The following OTUD7A variants were observed in gnomAD, a reference collection of about 807,000 sequenced individuals.
OTUD7A encodes the protein OTU domain-containing protein 7A.
OTUD7A carries 12 observed loss-of-function variants against 65.7 expected under a neutral mutation model. That is an observed-to-expected ratio of 0.18 (90% CI 0.12 to 0.30). OTUD7A has a LOEUF of 0.30. Among genes scored for constraint, OTUD7A ranks in the 10% least tolerant of loss-of-function variants. The probability of loss-of-function intolerance (pLI) is 1.00; values close to 1 mark genes in which losing one functional copy is unlikely to be tolerated. For missense variants in OTUD7A, 1,148 were observed against 1,304.8 expected (o/e 0.88, Z 1.85); for synonymous variants, 641 against 586.3 (o/e 1.09, Z -1.35).
At position 31,627,656 on chromosome 15, in the gene OTUD7A, G is replaced by C. The variant is rs370686543; in HGVS notation, c.151+27440C>G. ...ATATTTCTAGTTCTAGATCCCTGAG[G>C]AATCGCCACACTGACTTCCACAATG... On this transcript the variant is annotated intron_variant, in intron 3 of 12. Coordinates refer to ENST00000307050, the MANE Select transcript of OTUD7A (RefSeq NM_001382637.1). Among the ~76,000 whole-genome samples, 6 of 152,260 alleles carry C rather than the reference G, an allele frequency of 3.9e-5. No individual in the cohort carries two copies. The East Asian group carries it at 5.8e-4, about 15-fold the overall frequency.
chr15:31,599,354 C>T (rs1881390260), intron 3 of OTUD7A, among the ~76,000 whole-genome samples: 1 of 152,188 alleles, frequency 6.6e-6, no homozygotes, highest in African/African-American at 2.4e-5. Flanking sequence ...GCTGGTAATA[C>T]CCAGGCAAAC....
At position 31,484,829 on chromosome 15, in the gene OTUD7A, G is replaced by C; in HGVS notation, c.1372-105C>G. 1 of 1,482,512 alleles carries C rather than the reference G, an allele frequency of 6.7e-7. No homozygotes were observed. The highest frequency in any genetic ancestry group is 8.9e-7 in the Non-Finnish European group (1 of 1,119,448). The allele number at this position is 1,482,512 out of a possible 1,614,324, so 91.8% of individuals were successfully genotyped here. On this transcript the variant is annotated intron_variant, in intron 12 of 12. Coordinates refer to ENST00000307050, the MANE Select transcript of OTUD7A (RefSeq NM_001382637.1). The surrounding 1 kb of genome is among the most constrained non-coding windows in gnomAD (Gnocchi z 4.5). The stretch of plus-strand genomic sequence containing the variant: ...CCTGTGTTGCCGAGGCTAGGGCCCT[G>C]GACCTTCACTGTCCCAGTCCCCACT...
rs780288435 is a variant in OTUD7A at position 31,484,285 on chromosome 15, C to A, written c.1811G>T (p.Gly604Val). The change falls in exon 13 of 13, where the codon GGC becomes GTC. Residue 604 changes from glycine to valine, a missense_variant. By Grantham distance (109) the Gly-to-Val change is moderately radical (BLOSUM62 -3). This residue lies in a region of OTUD7A where 842 missense variants were observed against 769.5 expected (regional missense o/e 1.09). Coordinates refer to ENST00000307050, the MANE Select transcript of OTUD7A (RefSeq NM_001382637.1). This position sits in a 1 kb window ranked among gnomAD's most constrained non-coding sequence, Gnocchi z 4.5. ...ACCGCCCTTCTCCGCCGGCGACGCG[C>A]CCGCTGCCTTGTCTGTGGGCGACGG... is the stretch of plus-strand genomic sequence containing the variant. ...TTPSPTDKAA[G>V]ASPAEKGGGP... The A allele has an allele frequency of 1.3e-6, 2 of 1,593,796 alleles. No homozygotes were observed. The highest frequency in any genetic ancestry group is 1.7e-6 in the Non-Finnish European group (2 of 1,174,440).
chr15:31,512,659 C>T (rs931250198), intron 8 of OTUD7A, among the ~76,000 whole-genome samples: 1 of 151,880 alleles, frequency 6.6e-6, no homozygotes, highest in Non-Finnish European at 1.5e-5. Context: ...TTAAAAGAGG[C>T]AAATGCAGAG....
chr15:31,625,494 C>T (rs531261448), intron 3 of OTUD7A, among the ~76,000 whole-genome samples: 1 of 150,630 alleles, frequency 6.6e-6, no homozygotes, highest in Admixed American at 6.6e-5. Flanking sequence ...CAACACTAAA[C>T]ATCAAAGATG....
chr15:31,503,606 G>T, intron 9 of OTUD7A, 85 bp downstream of exon 9: 1 of 1,563,156 alleles, frequency 6.4e-7, no homozygotes, highest in South Asian at 1.1e-5. Flanking sequence ...CTGGGAGCTC[G>T]ACCTTGTGCT....
intron 1 of OTUD7A, among the ~76,000 whole-genome samples, chr15:31,796,203 TCTATC>T (rs1895954186): frequency 6.4e-5 from 9 of 140,936 alleles, no homozygotes; most frequent in African/African-American, 2.6e-4. Flanking sequence ...TATCTATCTA[TCTATC>T]TATCTATCTA....
intron 8 of OTUD7A, among the ~76,000 whole-genome samples, chr15:31,519,916 C>T (rs560798959): frequency 2.6e-5 from 4 of 152,114 alleles, no homozygotes; most frequent in South Asian, 2.1e-4. Context: ...ACAAAAATAT[C>T]GAGGAATATA....
chr15:31,791,856 G>A (rs920649757), intron 1 of OTUD7A, among the ~76,000 whole-genome samples: 2 of 152,050 alleles, frequency 1.3e-5, no homozygotes, highest in Non-Finnish European at 2.9e-5. Flanking sequence ...GGAATGCAGG[G>A]CTCAGCCTGG....
At chr15:31,788,789 A>G (rs549891729) in intron 1 of OTUD7A, among the ~76,000 whole-genome samples, 19 of 152,352 alleles carry the variant, frequency 1.2e-4, no homozygotes, top group Non-Finnish European at 2.5e-4. Context: ...AGCTATCCAC[A>G]GCATACAGTA....
chr15:31,660,188 G>A (rs1892121356), intron 1 of OTUD7A, among the ~76,000 whole-genome samples: 3 of 152,360 alleles, frequency 2.0e-5, no homozygotes, highest in Admixed American at 1.3e-4. Context: ...AAAAGGTCAG[G>A]CATGCGTTCA....
In OTUD7A at chr15:31,689,778, G is replaced by A. The variant is rs184294439; in HGVS notation, c.-99-32701C>T. ...CCGTGTGGACTTAACAGACGTGAGG[G>A]TGGGCTCAGAGCCCCTAGAAGCTGA... is the stretch of plus-strand genomic sequence containing the variant. On this transcript the variant is annotated intron_variant, in intron 1 of 12. Transcript: ENST00000307050. Among the ~76,000 whole-genome samples the A allele has an allele frequency of 1.1e-3, 172 of 152,278 alleles. 2 individuals are homozygous for A. Among genetic ancestry groups the A allele is most frequent in the Non-Finnish European group, 2.0e-3 (134 of 68,028 alleles).
At chr15:31,713,870 C>T (rs1304203399) in intron 1 of OTUD7A, among the ~76,000 whole-genome samples, 1 of 150,258 alleles carries the variant, frequency 6.7e-6, no homozygotes, top group African/African-American at 2.4e-5. Flanking sequence ...TCTGAATGGC[C>T]AAAAATCAAT....
chr15:31,816,711 ATGTT>A (rs1196132865), intron 1 of OTUD7A, among the ~76,000 whole-genome samples: 70 of 152,238 alleles, frequency 4.6e-4, no homozygotes, highest in African/African-American at 1.7e-3. Context: ...TTAGAATCAC[ATGTT>A]AAACATACAC....
At chr15:31,704,779 T>C (rs1893290724) in intron 1 of OTUD7A, among the ~76,000 whole-genome samples, 1 of 150,372 alleles carries the variant, frequency 6.7e-6, no homozygotes, top group South Asian at 2.1e-4. Flanking sequence ...TCTTTTCTTC[T>C]GGAGATCTGT....
chr15:31,535,609 T>C (rs969792449), intron 5 of OTUD7A, among the ~76,000 whole-genome samples: 6 of 151,582 alleles, frequency 4.0e-5, no homozygotes, highest in African/African-American at 1.5e-4. Flanking sequence ...AACTAGTTGC[T>C]AACACATCTG....
At position 31,476,809 on chromosome 15, in the gene OTUD7A, A is replaced by G. The variant is rs1256220565; in HGVS notation, c.*6485T>C. 1.3e-5 allele frequency: 2 copies of G among 152,290 alleles called. No homozygotes were observed. 9.4% of individuals were successfully genotyped at this position (152,290 alleles called of 1,614,324 possible). A position where few individuals can be genotyped will look rare whatever the true frequency, so the allele number is the denominator to read the frequency against. Reference sequence around the variant, plus strand: ...ACAAAAGTCCCATAAGAAGCTTGTAACAGTATTTTGCCAACAACTCTTAGA... The same window carrying G: ...ACAAAAGTCCCATAAGAAGCTTGTAGCAGTATTTTGCCAACAACTCTTAGA... On this transcript the variant is annotated 3_prime_UTR_variant, in exon 13 of 13. Coordinates refer to ENST00000307050, the MANE Select transcript of OTUD7A (RefSeq NM_001382637.1).
intron 1 of OTUD7A, among the ~76,000 whole-genome samples, chr15:31,731,821 T>G (rs912399632): frequency 6.6e-6 from 1 of 152,128 alleles, no homozygotes; most frequent in African/African-American, 2.4e-5. Flanking sequence ...GAACAGGGAC[T>G]CTTTACACCT....
chr15:31,726,745 A>C (rs1893899804), intron 1 of OTUD7A, among the ~76,000 whole-genome samples: 2 of 152,238 alleles, frequency 1.3e-5, no homozygotes, highest in Admixed American at 1.3e-4. Flanking sequence ...CTACCAGCCA[A>C]GAGCATATTC....
Sources: allele counts gnomAD v4.1 joint callset (sites outside exome capture counted in the v4.1 genomes callset), GRCh38; gene constraint gnomAD v4.1.1; regional missense constraint gnomAD v4.1.1; non-coding constraint Gnocchi (gnomAD v3.1); transcripts MANE v1.5; gene names NCBI Gene and HGNC (gene_info 2026-07-23, HGNC 2026-07-21).